CDK2AP1: variants seen among roughly 807,000 people sequenced by gnomAD.
CDK2AP1 encodes the protein cyclin-dependent kinase 2-associated protein 1.
A neutral mutation model predicts 14.1 loss-of-function variants in CDK2AP1; 10 were observed. The ratio of observed to expected loss-of-function variants is 0.71; its 90% CI spans 0.44 to 1.20. CDK2AP1 has a LOEUF of 1.20. CDK2AP1 is among the 50% of genes most tolerant of loss of function. The probability of loss-of-function intolerance (pLI) is 0.00; values close to 1 mark genes in which losing one functional copy is unlikely to be tolerated. For synonymous variants in CDK2AP1, 59 were observed against 59.8 expected (o/e 0.99, Z 0.06); for missense variants, 102 against 149.9 (o/e 0.68, Z 1.67).
upstream of CDK2AP1, chr12:123,271,978 G>A (rs1248096746): frequency 6.8e-6 from 1 of 147,070 alleles, no homozygotes; most frequent in African/African-American, 2.4e-5. Context: ...GCCAAAGTTT[G>A]GGGGGCTGGG....
chr12:123,270,103 G>A, intron 1 of CDK2AP1: 2 of 470,404 alleles, frequency 4.3e-6, no homozygotes, highest in Non-Finnish European at 5.6e-6. Flanking sequence ...CCTGAGCTCA[G>A]CCTTGCCCAG....
Position 123,267,364 on chromosome 12 carries a change from T to G in CDK2AP1, c.56-82A>C. The G allele has an allele frequency of 3.7e-6, 3 of 816,578 alleles. No individual in the cohort carries two copies. In the East Asian group the frequency reaches 7.4e-5, roughly 20 times the overall value. The allele number at this position is 816,578 out of a possible 1,614,324, so 50.6% of individuals were successfully genotyped here. ...GGACTCCGGGTCCTGCAACAGCCCT[T>G]GCCCAGGACCCACACCACCAACTGT... On this transcript the variant is annotated intron_variant, in intron 1 of 3. Coordinates refer to ENST00000261692, the MANE Select transcript of CDK2AP1 (RefSeq NM_004642.4).
At position 123,263,912 on chromosome 12, in the gene CDK2AP1, T is replaced by A. The variant is rs147646865; in HGVS notation, c.280+1284A>T. 1.8e-4 allele frequency among the ~76,000 whole-genome samples: 27 copies of A among 151,394 alleles called. No homozygotes were observed. The East Asian group carries it at 4.5e-3, about 25-fold the overall frequency. On this transcript the variant is annotated intron_variant, in intron 3 of 3. Coordinates refer to ENST00000261692, the MANE Select transcript of CDK2AP1 (RefSeq NM_004642.4). ...CAAGGTCAAGAAATCGAAACCATCCTGGCCAACCAACATGGCGAAACCTGG... is the reference window on the plus strand; with the variant it reads ...CAAGGTCAAGAAATCGAAACCATCCAGGCCAACCAACATGGCGAAACCTGG...
intron 1 of CDK2AP1, chr12:123,270,820 C>T: frequency 5.1e-6 from 5 of 985,094 alleles, no homozygotes; most frequent in Non-Finnish European, 6.0e-6. Flanking sequence ...TGACCCACTG[C>T]CCCCACGCCC....
intron 2 of CDK2AP1, 44 bp downstream of exon 2, chr12:123,267,141 C>G (rs2048305415): frequency 9.1e-7 from 1 of 1,097,022 alleles, no homozygotes; most frequent in Admixed American, 1.7e-5. Flanking sequence ...GGAAGCATGT[C>G]TCCCCCTGGC....
rs569004365 is a variant in CDK2AP1, at chr12:123,265,619, G to A, written c.154-297C>T. Among the ~76,000 whole-genome samples the A allele has an allele frequency of 3.6e-4, 55 of 152,260 alleles. No individual in the cohort carries two copies. Among genetic ancestry groups the A allele is most frequent in the Admixed American group, 2.0e-4 (3 of 15,294 alleles). On this transcript the variant is annotated intron_variant, in intron 2 of 3. Transcript: ENST00000261692. This position sits in a 1 kb window ranked among gnomAD's most constrained non-coding sequence, Gnocchi z 5.3. ...CGCAGCCCAGCCTCAGACTTCTGGG[G>A]CAGCCACCTCAGCTGGGCCAAGGCA...
chr12:123,262,882 T>A (rs1413705023), intron 3 of CDK2AP1, among the ~76,000 whole-genome samples: 2 of 152,026 alleles, frequency 1.3e-5, no homozygotes, highest in East Asian at 3.9e-4. Flanking sequence ...GAATTTCAGA[T>A]AACTTTCACA....
intron 1 of CDK2AP1, among the ~76,000 whole-genome samples, chr12:123,268,497 C>G (rs2048320990): frequency 6.6e-6 from 1 of 152,272 alleles, no homozygotes; most frequent in African/African-American, 2.4e-5. Context: ...GCACCTGCCC[C>G]TCTCTCCGAG....
Position 123,271,592 on chromosome 12 carries a change from C to T in CDK2AP1, c.27G>A (p.Ala9=), listed in dbSNP as rs1401335504. The T allele has an allele frequency of 3.0e-6, 3 of 1,009,054 alleles. No homozygotes were observed. Among genetic ancestry groups the T allele is most frequent in the Non-Finnish European group, 3.5e-6 (3 of 845,878 alleles). The allele number at this position is 1,009,054 out of a possible 1,614,324, so 62.5% of individuals were successfully genotyped here. Residue 9 remains alanine, a synonymous_variant, in exon 1 of 4, where the codon GCG becomes GCA. Coordinates refer to ENST00000261692, the MANE Select transcript of CDK2AP1 (RefSeq NM_004642.4). The part of the protein sequence containing the change: MSYKPNLA[A]HMPAAALNAA... ...CGTTGAGGGCGGCGGCGGGCATGTG[C>T]GCGGCCAAGTTCGGTTTGTAAGACA...
intron 1 of CDK2AP1, 26 bp from the exon 2 acceptor site, chr12:123,267,308 G>A (rs753073327): frequency 1.1e-5 from 16 of 1,456,570 alleles, no homozygotes; most frequent in Admixed American, 8.4e-5. Context: ...AGAGAGGCCA[G>A]GAGTCAGCTC....
intron 3 of CDK2AP1, among the ~76,000 whole-genome samples, chr12:123,264,185 G>T (rs370046895): frequency 6.7e-6 from 1 of 150,256 alleles, no homozygotes; most frequent in South Asian, 2.1e-4. Flanking sequence ...CAGGCCGGGC[G>T]TGGTGGCTCA....
intron 3 of CDK2AP1, among the ~76,000 whole-genome samples, chr12:123,264,635 C>T (rs2048270359): frequency 6.6e-6 from 1 of 152,110 alleles, no homozygotes; most frequent in South Asian, 2.1e-4. Context: ...CTTTCGAAAT[C>T]AGACGGACAG....
At chr12:123,269,306 G>A (rs115904911) in intron 1 of CDK2AP1, 4,669 of 152,822 alleles carry the variant, frequency 0.031, 92 homozygotes, top group Non-Finnish European at 0.048. Context: ...GGCTGAGAGG[G>A]AGGAGGAAGG....
chr12:123,264,249 G>T (rs1403107072), intron 3 of CDK2AP1, among the ~76,000 whole-genome samples: 1 of 152,046 alleles, frequency 6.6e-6, no homozygotes, highest in African/African-American at 2.4e-5. Flanking sequence ...ACCTGAGGTT[G>T]GGAGTTCAAG....
chr12:123,264,548 T>C (rs2048269518), intron 3 of CDK2AP1, among the ~76,000 whole-genome samples: 1 of 150,192 alleles, frequency 6.7e-6, no homozygotes, highest in African/African-American at 2.5e-5. Context: ...TCTGCTGCAC[T>C]GTCGCCTTCT....
chr12:123,271,156 G>C (rs1462583188), intron 1 of CDK2AP1: 2 of 382,648 alleles, frequency 5.2e-6, no homozygotes, highest in Non-Finnish European at 7.1e-6. Flanking sequence ...CCAGGGCGGC[G>C]GGGCCCCGCG....
Position 123,261,635 on chromosome 12 carries a change from T to C in CDK2AP1, c.*101A>G, listed in dbSNP as rs1179165851. 3 of 988,168 alleles carry C rather than the reference T, an allele frequency of 3.0e-6. No individual in the cohort carries two copies. Among genetic ancestry groups the C allele is most frequent in the South Asian group, 1.3e-5 (1 of 74,596 alleles). 61.2% of individuals were successfully genotyped at this position (988,168 alleles called of 1,614,324 possible). ...TGAACCATGGGAGGAAAAACGAAACTGTAACCATTTTGAAAACAAGGGTTT... is the reference window on the plus strand; with the variant it reads ...TGAACCATGGGAGGAAAAACGAAACCGTAACCATTTTGAAAACAAGGGTTT... On this transcript the variant is annotated 3_prime_UTR_variant, in exon 4 of 4. Coordinates refer to ENST00000261692, the MANE Select transcript of CDK2AP1 (RefSeq NM_004642.4).
chr12:123,270,980 G>A (rs1323954741), intron 1 of CDK2AP1: 9 of 983,644 alleles, frequency 9.1e-6, no homozygotes, highest in Non-Finnish European at 7.2e-6. Context: ...GCCCGCCGGC[G>A]ACCCCATCCT....
At chr12:123,270,919 A>T in intron 1 of CDK2AP1, 15 of 985,076 alleles carry the variant, frequency 1.5e-5, no homozygotes, top group Non-Finnish European at 1.8e-5. Context: ...CGCATGGGGT[A>T]GCCCCTGCTC....
Sources: allele counts gnomAD v4.1 joint callset (sites outside exome capture counted in the v4.1 genomes callset), GRCh38; gene constraint gnomAD v4.1.1; non-coding constraint Gnocchi (gnomAD v3.1); transcripts MANE v1.5; gene names NCBI Gene and HGNC (gene_info 2026-07-23, HGNC 2026-07-21).